Variants in TMEM245 observed in about 807,000 individuals in gnomAD.
The protein encoded by TMEM245 is transmembrane protein 245, also known as protein CG-2.
In TMEM245, 69 loss-of-function variants were observed where a neutral mutation model predicts 101.2. The observed-to-expected ratio is 0.68, with a 90% confidence interval of 0.56 to 0.83. TMEM245 has a LOEUF of 0.83. Among genes scored for constraint, TMEM245 ranks in the 40% least tolerant of loss-of-function variants. The pLI is 0.00. For synonymous variants in TMEM245, 537 were observed against 449.8 expected, an observed-to-expected ratio of 1.19 and a Z score of -2.45; for missense variants, 1,075 against 1,092.8, an observed-to-expected ratio of 0.98 and a Z score of 0.23.
chr9:109,025,751 T>C (rs1827773504), intron 17 of TMEM245, among the ~76,000 whole-genome samples: 1 of 152,214 alleles, frequency 6.6e-6, no homozygotes, highest in Non-Finnish European at 1.5e-5. Context: ...TGCCTTTCCC[T>C]ACACATCCCA....
At chr9:109,061,011 ATGT>A (rs1415192478) in intron 10 of TMEM245, among the ~76,000 whole-genome samples, 2 of 152,222 alleles carry the variant, frequency 1.3e-5, no homozygotes, top group African/African-American at 2.4e-5. Flanking sequence ...TCATTATAAA[ATGT>A]TGTCCCACTT....
intron 3 of TMEM245, among the ~76,000 whole-genome samples, chr9:109,094,051 C>T (rs138582382): frequency 4.9e-4 from 75 of 152,288 alleles, no homozygotes; most frequent in African/African-American, 1.6e-3. Context: ...GAATATATGG[C>T]TATTATGCAA....
intron 9 of TMEM245, among the ~76,000 whole-genome samples, chr9:109,071,670 A>C (rs993715210): frequency 9.2e-5 from 14 of 152,204 alleles, no homozygotes; most frequent in Non-Finnish European, 1.5e-5. Context: ...TTTATATAAA[A>C]GAATAAAGTA....
chr9:109,072,286 A>G (rs1285155334), intron 9 of TMEM245, among the ~76,000 whole-genome samples: 2 of 152,230 alleles, frequency 1.3e-5, no homozygotes, highest in Non-Finnish European at 2.9e-5. Flanking sequence ...ACAGATGTGC[A>G]GGCTCCTAGT....
chr9:109,066,043 T>C (rs148914477), intron 9 of TMEM245, among the ~76,000 whole-genome samples: 4 of 152,292 alleles, frequency 2.6e-5, no homozygotes, highest in Middle Eastern at 3.4e-3. Flanking sequence ...TTTGAATAAA[T>C]TAAAAAGTAG....
chr9:109,085,147 C>T (rs1395947869), intron 7 of TMEM245, among the ~76,000 whole-genome samples: 1 of 152,106 alleles, frequency 6.6e-6, no homozygotes, highest in African/African-American at 2.4e-5. Context: ...TTGCTGTCAC[C>T]CAGGCTGGAG....
chr9:109,049,110 A>G (rs930884912), intron 14 of TMEM245, among the ~76,000 whole-genome samples: 2 of 152,250 alleles, frequency 1.3e-5, no homozygotes, highest in African/African-American at 4.8e-5. Flanking sequence ...TGATGCTAAC[A>G]GCTAGTCTAA....
intron 14 of TMEM245, among the ~76,000 whole-genome samples, chr9:109,042,988 G>C (rs1196271123): frequency 1.3e-5 from 2 of 151,806 alleles, no homozygotes; most frequent in East Asian, 3.9e-4. Context: ...TGGGACTACA[G>C]ACGCACACAC....
chr9:109,085,457 C>T (rs143470442), intron 7 of TMEM245, among the ~76,000 whole-genome samples: 4 of 152,188 alleles, frequency 2.6e-5, no homozygotes, highest in African/African-American at 7.2e-5. Context: ...ACACAAAATT[C>T]GATGTCACAG....
chr9:109,080,551 T>TA (rs565295832), intron 8 of TMEM245, among the ~76,000 whole-genome samples: 5 of 151,606 alleles, frequency 3.3e-5, no homozygotes, highest in African/African-American at 1.2e-4. Flanking sequence ...CCTATTAAAC[T>TA]AAAAAAAACA....
chr9:109,073,971 GT>G (rs1829418718), intron 8 of TMEM245, among the ~76,000 whole-genome samples: 1 of 147,976 alleles, frequency 6.8e-6, no homozygotes, highest in South Asian at 2.1e-4. Flanking sequence ...AGCGATTCTC[GT>G]GCCTCAGTCT....
chr9:109,062,351 T>C (rs980503382), intron 10 of TMEM245, among the ~76,000 whole-genome samples: 2 of 152,318 alleles, frequency 1.3e-5, no homozygotes, highest in East Asian at 3.9e-4. Flanking sequence ...ACTTCTATAA[T>C]AAGAAATATA....
chr9:109,072,044 T>C (rs1415134288), intron 9 of TMEM245, among the ~76,000 whole-genome samples: 1 of 152,220 alleles, frequency 6.6e-6, no homozygotes, highest in Non-Finnish European at 1.5e-5. Context: ...GACATAGGTA[T>C]GTTCCACTAA....
intron 10 of TMEM245, 42 bp from the exon 11 acceptor site, chr9:109,060,494 C>T (rs1209808731): frequency 1.4e-6 from 2 of 1,395,708 alleles, no homozygotes; most frequent in African/African-American, 2.9e-5. Context: ...ATATTTCAGG[C>T]AACAACAGAG....
rs370387519 is a variant in TMEM245, at chr9:109,099,928, C to T, written c.800-6337G>A. Among the ~76,000 whole-genome samples the T allele has an allele frequency of 1.2e-4, 19 of 152,290 alleles. No individual in the cohort carries two copies. The East Asian group carries it at 2.7e-3, about 22-fold the overall frequency. ...CAGCCCCAGCCATCTCTTGCTCGCC[C>T]TTGTACCACGTGATGATACAGCAAG... On this transcript the variant is annotated intron_variant, in intron 3 of 17. Coordinates refer to ENST00000374586, the MANE Select transcript of TMEM245 (RefSeq NM_032012.4).
At position 109,048,433 on chromosome 9, in the gene TMEM245, GA is replaced by G. The variant is rs1053984165; in HGVS notation, c.2123+1849del. ...AGATCAATCAGGTGCAATTATCAGA[GA>G]AAAAAAAAAAAATCAAGATTTCTGT... On this transcript the variant is annotated intron_variant, in intron 14 of 17. Coordinates refer to ENST00000374586, the MANE Select transcript of TMEM245 (RefSeq NM_032012.4). Among the ~76,000 whole-genome samples, 764 of 132,044 alleles carry G rather than the reference GA, an allele frequency of 5.8e-3. 5 individuals carry two copies. The highest frequency in any genetic ancestry group is 0.016 in the African/African-American group (573 of 35,892). The allele number at this position is 132,044 out of a possible 152,430, so 86.6% of individuals were successfully genotyped here. A position where few individuals can be genotyped will look rare whatever the true frequency, so the allele number is the denominator to read the frequency against.
intron 17 of TMEM245, among the ~76,000 whole-genome samples, chr9:109,025,859 T>C (rs1317441069): frequency 6.6e-6 from 1 of 152,228 alleles, no homozygotes; most frequent in Non-Finnish European, 1.5e-5. Context: ...AAAGCTGTGC[T>C]GTATCCACTA....
chr9:109,033,037 G>A (rs1195031536), intron 17 of TMEM245, among the ~76,000 whole-genome samples: 3 of 152,138 alleles, frequency 2.0e-5, no homozygotes, highest in South Asian at 2.1e-4. Context: ...GACCTCAGGT[G>A]ATCCACCTGC....
intron 14 of TMEM245, among the ~76,000 whole-genome samples, chr9:109,045,625 G>T (rs538214459): frequency 6.6e-6 from 1 of 152,288 alleles, no homozygotes; most frequent in Admixed American, 6.5e-5. Flanking sequence ...TAGTAAACGT[G>T]TATTTCAAAA....
Sources: allele counts gnomAD v4.1 joint callset (sites outside exome capture counted in the v4.1 genomes callset), GRCh38; gene constraint gnomAD v4.1.1; transcripts MANE v1.5; gene names NCBI Gene and HGNC (gene_info 2026-07-23, HGNC 2026-07-21).